RERE: variants seen among roughly 807,000 people sequenced by gnomAD.
The protein encoded by RERE is arginine-glutamic acid dipeptide repeats.
RERE carries 40 observed loss-of-function variants against 146.1 expected under a neutral mutation model. The observed-to-expected ratio is 0.27, with a 90% CI of 0.21 to 0.36. The LOEUF (loss-of-function observed/expected upper bound fraction) is 0.36, where lower values mean the gene tolerates loss of function less well. Among genes scored for constraint, RERE ranks in the 10% least tolerant of loss-of-function variants. The probability of loss-of-function intolerance (pLI) is 1.00; values close to 1 mark genes in which losing one functional copy is unlikely to be tolerated. For missense variants in RERE, 1,933 were observed against 2,138.7 expected (o/e 0.90, Z 1.90); for synonymous variants, 1,003 against 866.0 (o/e 1.16, Z -2.78).
Position 8,423,099 on chromosome 1 carries a change from G to A in RERE, c.1204-292C>T, listed in dbSNP as rs1299489816. The A allele has an allele frequency of 5.3e-6, 2 of 376,208 alleles. No individual in the cohort carries two copies. The highest frequency in any genetic ancestry group is 9.3e-5 in the East Asian group (2 of 21,614). 23.3% of individuals were successfully genotyped at this position (376,208 alleles called of 1,614,324 possible). A position where few individuals can be genotyped will look rare whatever the true frequency, so the allele number is the denominator to read the frequency against. On this transcript the variant is annotated intron_variant, in intron 11 of 22. Transcript: ENST00000400908. This position sits in a 1 kb window ranked among gnomAD's most constrained non-coding sequence, Gnocchi z 5.4. The stretch of plus-strand genomic sequence containing the variant: ...GCAATCTGTCCCCCTCTTCCACCAG[G>A]CACACATTCTGGTGCACGAAGGTAT...
At chr1:8,449,346 G>A (rs1297188011) in intron 11 of RERE, among the ~76,000 whole-genome samples, 3 of 152,108 alleles carry the variant, frequency 2.0e-5, no homozygotes, top group South Asian at 2.1e-4. Flanking sequence ...GAACTCCGCC[G>A]GCTAGACAGA....
rs184207605 is a variant in RERE at position 8,512,848 on chromosome 1, C to T, written c.831-4173G>A. 10 of 152,438 alleles carry T rather than the reference C, an allele frequency of 6.6e-5. No individual in the cohort carries two copies. The East Asian group carries it at 1.7e-3, about 27-fold the overall frequency. The allele number at this position is 152,438 out of a possible 1,614,324, so 9.4% of individuals were successfully genotyped here. A position where few individuals can be genotyped will look rare whatever the true frequency, so the allele number is the denominator to read the frequency against. On this transcript the variant is annotated intron_variant, in intron 7 of 22. Coordinates refer to ENST00000400908, the MANE Select transcript of RERE (RefSeq NM_001042681.2). ...TCTGGGGAAGAACCTGAACCAGATC[C>T]TCGATCTTTAGGCCCTGGGTTCTGC...
chr1:8,514,535 G>A (rs1645386530), intron 7 of RERE, among the ~76,000 whole-genome samples: 1 of 152,112 alleles, frequency 6.6e-6, no homozygotes, highest in African/African-American at 2.4e-5. Context: ...TTCGAAACCA[G>A]CCTAGTCAAC....
chr1:8,647,680 C>T (rs954886618), intron 2 of RERE, among the ~76,000 whole-genome samples: 69 of 94,814 alleles, frequency 7.3e-4, no homozygotes, highest in Non-Finnish European at 1.4e-4. Context: ...TGTGTGTGTC[C>T]CCTGGAACAC....
chr1:8,393,528 A>G (rs1205443111), intron 12 of RERE, among the ~76,000 whole-genome samples: 1 of 152,144 alleles, frequency 6.6e-6, no homozygotes, highest in Non-Finnish European at 1.5e-5. Flanking sequence ...CTACTCATAA[A>G]ATGGGGTTGG....
intron 4 of RERE, among the ~76,000 whole-genome samples, chr1:8,596,710 T>C (rs1646559636): frequency 6.7e-6 from 1 of 148,906 alleles, no homozygotes; most frequent in Non-Finnish European, 1.5e-5. Flanking sequence ...AAGGTCTTGC[T>C]AAGTTGCCAG....
chr1:8,426,120 G>C (rs1557626360), intron 11 of RERE, among the ~76,000 whole-genome samples: 1 of 152,038 alleles, frequency 6.6e-6, no homozygotes, highest in Non-Finnish European at 1.5e-5. Context: ...CCTCTTCTCG[G>C]GTCCAATGTC....
At chr1:8,406,869 G>A (rs955364695) in intron 12 of RERE, among the ~76,000 whole-genome samples, 1 of 152,154 alleles carries the variant, frequency 6.6e-6, no homozygotes, top group Non-Finnish European at 1.5e-5. Flanking sequence ...GCCCAGGCAA[G>A]AGTCAGAGCT....
chr1:8,498,732 TACACAC>T lies in RERE; in HGVS notation c.880-1209_880-1204del, dbSNP rs1553175300. Among the ~76,000 whole-genome samples, 247 of 107,830 alleles carry T rather than the reference TACACAC, an allele frequency of 2.3e-3. 5 individuals carry two copies. The highest frequency in any genetic ancestry group is 7.3e-3 in the African/African-American group (194 of 26,540). 70.7% of individuals were successfully genotyped at this position (107,830 alleles called of 152,430 possible). A position where few individuals can be genotyped will look rare whatever the true frequency, so the allele number is the denominator to read the frequency against. ...AAATAAAAAAAAAAAAATAAATATA[TACACAC>T]ACACACACACACACACACACACACA... On this transcript the variant is annotated intron_variant, in intron 8 of 22. Coordinates refer to ENST00000400908, the MANE Select transcript of RERE (RefSeq NM_001042681.2).
At chr1:8,496,565 C>T (rs377123391) in intron 9 of RERE, among the ~76,000 whole-genome samples, 10 of 152,186 alleles carry the variant, frequency 6.6e-5, no homozygotes, top group African/African-American at 2.4e-4. Context: ...AATTCAGATG[C>T]CCTAATCCTT....
chr1:8,691,259 T>C (rs1010079110), intron 1 of RERE, among the ~76,000 whole-genome samples: 4 of 152,182 alleles, frequency 2.6e-5, no homozygotes, highest in African/African-American at 9.7e-5. Flanking sequence ...TCTAAATCTG[T>C]AAGTTAGAAA....
At chr1:8,759,185 T>C (rs574124718) in intron 1 of RERE, among the ~76,000 whole-genome samples, 15 of 152,242 alleles carry the variant, frequency 9.9e-5, no homozygotes, top group Non-Finnish European at 1.8e-4. Flanking sequence ...TGAAAGGTTA[T>C]ATTTTTCCTT....
At chr1:8,740,677 TA>T (rs1412271137) in intron 1 of RERE, among the ~76,000 whole-genome samples, 1 of 152,224 alleles carries the variant, frequency 6.6e-6, no homozygotes, top group Non-Finnish European at 1.5e-5. Flanking sequence ...TTAACTTTTT[TA>T]ATGTTTTTGT....
chr1:8,487,166 C>T (rs1472738241), intron 10 of RERE, among the ~76,000 whole-genome samples: 2 of 152,000 alleles, frequency 1.3e-5, no homozygotes, highest in Non-Finnish European at 2.9e-5. Flanking sequence ...TAAAGAATAA[C>T]AATCATATAA....
At chr1:8,487,774 G>A (rs1314293482) in intron 10 of RERE, among the ~76,000 whole-genome samples, 1 of 152,152 alleles carries the variant, frequency 6.6e-6, no homozygotes. Flanking sequence ...CACACGACAT[G>A]TTTAGCAGGA....
intron 12 of RERE, among the ~76,000 whole-genome samples, chr1:8,392,480 C>G (rs187558928): frequency 3.7e-4 from 57 of 152,248 alleles, no homozygotes; most frequent in African/African-American, 1.0e-3. Context: ...TTTTCCTCTC[C>G]CCTGGGTCTC....
At chr1:8,670,722 C>A (rs1299822674) in intron 1 of RERE, among the ~76,000 whole-genome samples, 5 of 152,102 alleles carry the variant, frequency 3.3e-5, no homozygotes, top group Non-Finnish European at 1.5e-5. Flanking sequence ...CATGTCCAGG[C>A]AACAGCAAAG....
intron 11 of RERE, among the ~76,000 whole-genome samples, chr1:8,456,468 G>A (rs892840112): frequency 6.6e-6 from 1 of 152,106 alleles, no homozygotes; most frequent in African/African-American, 2.4e-5. Context: ...CTTCAATCTT[G>A]ACACAATGAG....
intron 1 of RERE, among the ~76,000 whole-genome samples, chr1:8,778,814 A>C (rs575380063): frequency 3.9e-4 from 55 of 140,862 alleles, no homozygotes; most frequent in Non-Finnish European, 7.4e-4. Context: ...CTTGTCTCCC[A>C]AAAAAAAAAA....
Sources: allele counts gnomAD v4.1 joint callset (sites outside exome capture counted in the v4.1 genomes callset), GRCh38; gene constraint gnomAD v4.1.1; non-coding constraint Gnocchi (gnomAD v3.1); transcripts MANE v1.5; gene names NCBI Gene and HGNC (gene_info 2026-07-23, HGNC 2026-07-21).